CNTNAP5: variants seen among roughly 807,000 people sequenced by gnomAD.
CNTNAP5 encodes the protein contactin associated protein family member 5.
In CNTNAP5, 72 loss-of-function variants were observed where a neutral mutation model predicts 150.2. The ratio of observed to expected loss-of-function variants is 0.48; its 90% CI spans 0.40 to 0.58. The LOEUF (loss-of-function observed/expected upper bound fraction) is 0.58. CNTNAP5 is among the 20% of genes least tolerant of loss of function. The pLI is 0.00. For synonymous variants in CNTNAP5, 672 were observed against 619.8 expected (o/e 1.08, Z -1.25); for missense variants, 1,636 against 1,626.2 (o/e 1.01, Z -0.10).
At chr2:124,865,569 C>T (rs1677614291) in intron 20 of CNTNAP5, 133 bp downstream of exon 20, 1 of 778,414 alleles carries the variant, frequency 1.3e-6, no homozygotes, top group Admixed American at 2.8e-5. Flanking sequence ...TGCCCCCAGA[C>T]TTGGAAGAAC....
chr2:124,111,656 T>C (rs549576953), intron 1 of CNTNAP5, among the ~76,000 whole-genome samples: 9 of 152,292 alleles, frequency 5.9e-5, no homozygotes, highest in Admixed American at 2.6e-4. Flanking sequence ...CAAAAGGGAA[T>C]ATCAAACTTT....
In CNTNAP5 at chr2:124,091,609, C is replaced by A. The variant is rs1293742064; in HGVS notation, c.82+65877C>A. On this transcript the variant is annotated intron_variant, in intron 1 of 23. Transcript: ENST00000682447. ...TTTCCAATAACTGTGAGTTTATATC[C>A]CTGGGTGAATGGCAGTGTTTTTCAA... Among the ~76,000 whole-genome samples the A allele has an allele frequency of 2.0e-5, 3 of 152,010 alleles. No individual in the cohort carries two copies. In the East Asian group the frequency reaches 5.8e-4, roughly 29 times the overall value.
intron 3 of CNTNAP5, among the ~76,000 whole-genome samples, chr2:124,390,564 G>A (rs557968021): frequency 6.6e-6 from 1 of 152,222 alleles, no homozygotes; most frequent in Middle Eastern, 3.4e-3. Flanking sequence ...AGTGTAGTAG[G>A]GTGCAGTTAA....
intron 3 of CNTNAP5, among the ~76,000 whole-genome samples, chr2:124,315,417 A>G (rs1446551832): frequency 6.6e-6 from 1 of 152,134 alleles, no homozygotes; most frequent in African/African-American, 2.4e-5. Context: ...TTCAAATCTC[A>G]AGGGTTCCAA....
At chr2:124,390,937 A>G (rs1293699154) in intron 3 of CNTNAP5, among the ~76,000 whole-genome samples, 2 of 152,242 alleles carry the variant, frequency 1.3e-5, no homozygotes, top group Non-Finnish European at 2.9e-5. Flanking sequence ...TGTAAGGGAG[A>G]TAAAAAGTAT....
At chr2:124,702,468 T>C (rs986190527) in intron 13 of CNTNAP5, among the ~76,000 whole-genome samples, 11 of 146,838 alleles carry the variant, frequency 7.5e-5, no homozygotes, top group Admixed American at 7.1e-4. Context: ...TCAATAGATA[T>C]AGTAATCCTT....
intron 13 of CNTNAP5, among the ~76,000 whole-genome samples, chr2:124,695,904 A>C (rs1407431537): frequency 6.6e-6 from 1 of 152,124 alleles, no homozygotes; most frequent in Non-Finnish European, 1.5e-5. Flanking sequence ...GTTAAAACAA[A>C]TTTCCCCTAG....
At chr2:124,675,080 C>T (rs1006369432) in intron 13 of CNTNAP5, among the ~76,000 whole-genome samples, 1 of 151,888 alleles carries the variant, frequency 6.6e-6, no homozygotes, top group African/African-American at 2.4e-5. Context: ...CTAAATTGCC[C>T]ATTTCTTCAA....
chr2:124,557,148 T>G (rs1695776910), intron 10 of CNTNAP5, among the ~76,000 whole-genome samples: 1 of 152,060 alleles, frequency 6.6e-6, no homozygotes, highest in African/African-American at 2.4e-5. Flanking sequence ...TGGACATAAG[T>G]AATCAAAAGG....
intron 22 of CNTNAP5, among the ~76,000 whole-genome samples, chr2:124,907,996 C>T (rs1379716555): frequency 1.3e-5 from 2 of 151,362 alleles, no homozygotes; most frequent in Non-Finnish European, 2.9e-5. Flanking sequence ...AAGTAATAAC[C>T]AAGGTTATTA....
chr2:124,639,939 C>G (rs112026846), intron 12 of CNTNAP5, among the ~76,000 whole-genome samples: 17 of 152,178 alleles, frequency 1.1e-4, no homozygotes, highest in Admixed American at 9.8e-4. Flanking sequence ...CCCACTCCCC[C>G]CTTTGCTGCT....
chr2:124,506,889 G>T (rs72968733), intron 8 of CNTNAP5, among the ~76,000 whole-genome samples: 1 of 152,108 alleles, frequency 6.6e-6, no homozygotes, highest in Non-Finnish European at 1.5e-5. Context: ...ATCTGCTTCC[G>T]CACTCACTCA....
chr2:124,909,045 G>GA lies in CNTNAP5; in HGVS notation c.3656-2415dup, dbSNP rs553380038. On this transcript the variant is annotated intron_variant, in intron 22 of 23. Coordinates refer to ENST00000682447, the MANE Select transcript of CNTNAP5 (RefSeq NM_001367498.1). ...TAAGGATAATTTATTATTAAAGAAA[G>GA]AAAAAAAGTCAATAAATGTAGTGTA... Among the ~76,000 whole-genome samples, 18 of 152,064 alleles carry GA rather than the reference G, an allele frequency of 1.2e-4. No individual in the cohort carries two copies. The East Asian group carries it at 3.5e-3, about 30-fold the overall frequency.
At chr2:124,185,964 T>C (rs980002327) in intron 1 of CNTNAP5, among the ~76,000 whole-genome samples, 2 of 152,212 alleles carry the variant, frequency 1.3e-5, no homozygotes, top group African/African-American at 4.8e-5. Context: ...AGGACATACG[T>C]GTATACTCCT....
At chr2:124,679,597 G>A (rs905094816) in intron 13 of CNTNAP5, among the ~76,000 whole-genome samples, 4 of 151,362 alleles carry the variant, frequency 2.6e-5, no homozygotes, top group Admixed American at 1.3e-4. Context: ...GCGGGGAGTG[G>A]GGGACAGGGT....
At chr2:124,610,038 C>G in intron 12 of CNTNAP5, 118 bp downstream of exon 12, 1 of 1,152,426 alleles carries the variant, frequency 8.7e-7, no homozygotes, top group Non-Finnish European at 1.2e-6. Flanking sequence ...CAACTGGTCT[C>G]CTTTGGGGAG....
Position 124,084,271 on chromosome 2 carries a change from G to GT in CNTNAP5, c.82+58551dup, listed in dbSNP as rs572952535. On this transcript the variant is annotated intron_variant, in intron 1 of 23. Transcript: ENST00000682447. ...TAATTCCAGAAGTCATTTTGTAGAG[G>GT]TTTTTTTTTTTTCCTCACAGCGTCT... Among the ~76,000 whole-genome samples, 945 of 145,680 alleles carry GT rather than the reference G, an allele frequency of 6.5e-3. 12 individuals are homozygous for GT. The highest frequency in any genetic ancestry group is 0.02 in the African/African-American group (782 of 40,034).
chr2:124,514,922 C>G (rs1269310879), intron 8 of CNTNAP5, among the ~76,000 whole-genome samples: 1 of 152,150 alleles, frequency 6.6e-6, no homozygotes, highest in Non-Finnish European at 1.5e-5. Flanking sequence ...AGGGAAATAA[C>G]TCTCTTGAGT....
intron 2 of CNTNAP5, among the ~76,000 whole-genome samples, chr2:124,236,263 T>C (rs576046453): frequency 2.6e-5 from 4 of 152,044 alleles, no homozygotes; most frequent in Non-Finnish European, 5.9e-5. Flanking sequence ...AAGTTCCCAC[T>C]TTATTTTCCC....
Sources: allele counts gnomAD v4.1 joint callset (sites outside exome capture counted in the v4.1 genomes callset), GRCh38; gene constraint gnomAD v4.1.1; transcripts MANE v1.5; gene names NCBI Gene and HGNC (gene_info 2026-07-23, HGNC 2026-07-21).